CSRNP3: variants seen among roughly 807,000 people sequenced by gnomAD.
CSRNP3 encodes the protein cysteine/serine-rich nuclear protein 3.
In CSRNP3, 12 loss-of-function variants were observed where a neutral mutation model predicts 48.0. The observed-to-expected ratio is 0.25, with a 90% CI of 0.16 to 0.41. The LOEUF (loss-of-function observed/expected upper bound fraction) is 0.41. Ranked by LOEUF, CSRNP3 falls within the 10% of genes least tolerant of loss-of-function variation. CSRNP3 has a pLI of 1.00. For synonymous variants in CSRNP3, 263 were observed against 269.7 expected, an observed-to-expected ratio of 0.98 and a Z score of 0.24; for missense variants, 580 against 724.4, an observed-to-expected ratio of 0.80 and a Z score of 2.29.
intron 5 of CSRNP3, 97 bp downstream of exon 5, chr2:165,658,117 C>A: frequency 1.5e-6 from 2 of 1,343,372 alleles, no homozygotes; most frequent in Non-Finnish European, 2.0e-6. Context: ...ACAAACTGGG[C>A]ACTTTACATA....
intron 3 of CSRNP3, among the ~76,000 whole-genome samples, chr2:165,582,458 T>G (rs1685564462): frequency 1.3e-5 from 2 of 152,130 alleles, no homozygotes; most frequent in African/African-American, 4.8e-5. Context: ...TTGAGTAGTA[T>G]GTGGCAGCCA....
At chr2:165,630,612 T>G (rs1291593591) in intron 4 of CSRNP3, among the ~76,000 whole-genome samples, 1 of 152,190 alleles carries the variant, frequency 6.6e-6, no homozygotes, top group Admixed American at 6.5e-5. Context: ...GCTTTCAGTA[T>G]CTCTTTCTCT....
chr2:165,652,658 TCAGC>T (rs1186677686), intron 4 of CSRNP3, among the ~76,000 whole-genome samples: 4 of 152,074 alleles, frequency 2.6e-5, no homozygotes, highest in Non-Finnish European at 5.9e-5. Flanking sequence ...TGATTGTGCC[TCAGC>T]CTCCCAACTA....
rs543643669 is a variant in CSRNP3 at position 165,687,494 on chromosome 2, T to G, written c.*7741T>G. 1.3e-5 allele frequency: 2 copies of G among 152,266 alleles called. No homozygotes were observed. The highest frequency in any genetic ancestry group is 4.8e-5 in the African/African-American group (2 of 41,564). 9.4% of individuals were successfully genotyped at this position (152,266 alleles called of 1,614,324 possible). Reference sequence around the variant, plus strand: ...AAGTAAGCATTTTCTACATTCTTACTTCTAAGTAATGACCTTCTCATTAAT... The same window carrying G: ...AAGTAAGCATTTTCTACATTCTTACGTCTAAGTAATGACCTTCTCATTAAT... On this transcript the variant is annotated 3_prime_UTR_variant, in exon 7 of 7. Transcript: ENST00000651982.
intron 5 of CSRNP3, 37 bp downstream of exon 5, chr2:165,658,057 C>A: frequency 6.3e-7 from 1 of 1,583,916 alleles, no homozygotes; most frequent in South Asian, 1.1e-5. Context: ...AGTCTCATAT[C>A]CTTACAGCAA....
intron 3 of CSRNP3, among the ~76,000 whole-genome samples, chr2:165,567,741 A>G (rs1317015471): frequency 2.0e-5 from 3 of 151,798 alleles, no homozygotes; most frequent in Non-Finnish European, 4.4e-5. Context: ...TCTTTTCCAC[A>G]CTTTTTTTTT....
intron 5 of CSRNP3, among the ~76,000 whole-genome samples, chr2:165,675,463 A>C (rs952111746): frequency 5.3e-5 from 8 of 152,210 alleles, no homozygotes; most frequent in African/African-American, 1.9e-4. Flanking sequence ...AGGAAACATA[A>C]CGTGATACAA....
chr2:165,625,354 C>T (rs1038090030), intron 4 of CSRNP3, among the ~76,000 whole-genome samples: 10 of 151,380 alleles, frequency 6.6e-5, no homozygotes, highest in South Asian at 4.2e-4. Flanking sequence ...GTGCCAGGCA[C>T]GGTGGCTCAT....
rs1013298364 is a variant in CSRNP3, at chr2:165,622,568, A to C, written c.148+27355A>C. Among the ~76,000 whole-genome samples the C allele has an allele frequency of 4.0e-4, 61 of 152,212 alleles. 2 individuals carry two copies. The highest frequency in any genetic ancestry group is 7.3e-5 in the Non-Finnish European group (5 of 68,040). On this transcript the variant is annotated intron_variant, in intron 4 of 6. Transcript: ENST00000651982. Reference sequence around the variant, plus strand: ...GAAGGCTCAATGGGTTTGAGAACTCATGATTCTTCTATCTCGTTGATCCAC... The same window carrying C: ...GAAGGCTCAATGGGTTTGAGAACTCCTGATTCTTCTATCTCGTTGATCCAC...
chr2:165,469,700 T>C lies in CSRNP3; in HGVS notation c.-323T>C, dbSNP rs1312754508. 1 of 152,454 alleles carries C rather than the reference T, an allele frequency of 6.6e-6. No homozygotes were observed. The highest frequency in any genetic ancestry group is 1.5e-5 in the Non-Finnish European group (1 of 67,980). The allele number at this position is 152,454 out of a possible 1,614,324, so 9.4% of individuals were successfully genotyped here. A position where few individuals can be genotyped will look rare whatever the true frequency, so the allele number is the denominator to read the frequency against. ...CGAGGGAGGAGTGTACTCTCTTCAGTGTGTTCTGACGGAGCCGAAGTACAG... is the reference window on the plus strand; with the variant it reads ...CGAGGGAGGAGTGTACTCTCTTCAGCGTGTTCTGACGGAGCCGAAGTACAG... On this transcript the variant is annotated 5_prime_UTR_variant, in exon 1 of 7. Transcript: ENST00000651982.
chr2:165,578,107 A>G (rs1418454278), intron 3 of CSRNP3, among the ~76,000 whole-genome samples: 1 of 152,070 alleles, frequency 6.6e-6, no homozygotes, highest in Non-Finnish European at 1.5e-5. Context: ...CAGGTATACA[A>G]AAGAAAACAC....
chr2:165,473,714 G>A (rs1033675704), intron 1 of CSRNP3, among the ~76,000 whole-genome samples: 5 of 152,066 alleles, frequency 3.3e-5, no homozygotes. Context: ...GTCACATTTG[G>A]ATATTTCACA....
At chr2:165,474,728 TAGAA>T (rs1448848851) in intron 1 of CSRNP3, among the ~76,000 whole-genome samples, 2 of 152,162 alleles carry the variant, frequency 1.3e-5, no homozygotes, top group African/African-American at 2.4e-5. Flanking sequence ...AAGCAGAACT[TAGAA>T]AGGCTTTGCA....
chr2:165,515,811 T>C (rs1310054820), intron 2 of CSRNP3, among the ~76,000 whole-genome samples: 1 of 145,706 alleles, frequency 6.9e-6, no homozygotes, highest in East Asian at 2.0e-4. Flanking sequence ...CTTTTTTTTT[T>C]TTTTTTTTTT....
chr2:165,492,707 A>G (rs1030012985), intron 1 of CSRNP3, among the ~76,000 whole-genome samples: 2 of 143,718 alleles, frequency 1.4e-5, no homozygotes, highest in Non-Finnish European at 3.0e-5. Flanking sequence ...ACACCCAGTA[A>G]GTAAGCACTA....
chr2:165,666,058 G>GAA (rs1558967257), intron 5 of CSRNP3, among the ~76,000 whole-genome samples: 1 of 38,862 alleles, frequency 2.6e-5, no homozygotes, highest in African/African-American at 6.6e-5. Flanking sequence ...GAAAGAGAGA[G>GAA]GAAGAAAGAA....
intron 4 of CSRNP3, among the ~76,000 whole-genome samples, chr2:165,615,547 A>C (rs922227834): frequency 2.6e-5 from 4 of 151,490 alleles, no homozygotes; most frequent in African/African-American, 9.7e-5. Context: ...CATCTAAAAA[A>C]AAAAAAAGAA....
intron 5 of CSRNP3, among the ~76,000 whole-genome samples, chr2:165,662,851 C>G (rs1299665328): frequency 6.6e-6 from 1 of 152,100 alleles, no homozygotes; most frequent in Non-Finnish European, 1.5e-5. Flanking sequence ...AATTGCTTTT[C>G]AGAATTATGT....
intron 3 of CSRNP3, among the ~76,000 whole-genome samples, chr2:165,544,526 A>G (rs1574830766): frequency 7.2e-6 from 1 of 139,108 alleles, no homozygotes; most frequent in Non-Finnish European, 1.5e-5. Context: ...AGTTGGCTGT[A>G]AAAGAGAAAA....
Sources: allele counts gnomAD v4.1 joint callset (sites outside exome capture counted in the v4.1 genomes callset), GRCh38; gene constraint gnomAD v4.1.1; transcripts MANE v1.5; gene names NCBI Gene and HGNC (gene_info 2026-07-23, HGNC 2026-07-21).